Variants in SYT1 observed in about 807,000 individuals in gnomAD.
The protein encoded by SYT1 is synaptotagmin 1.
A neutral mutation model predicts 44.8 loss-of-function variants in SYT1; 8 were observed. The observed-to-expected ratio is 0.18, with a 90% CI of 0.10 to 0.32. The LOEUF is 0.32. Among genes scored for constraint, SYT1 ranks in the 10% least tolerant of loss-of-function variants. SYT1 has a pLI of 1.00. For synonymous variants in SYT1, 154 were observed against 188.8 expected, an observed-to-expected ratio of 0.82 and a Z score of 1.51; for missense variants, 286 against 509.3, an observed-to-expected ratio of 0.56 and a Z score of 4.22.
chr12:79,291,204 T>C (rs1008457092), intron 5 of SYT1, among the ~76,000 whole-genome samples: 1 of 152,214 alleles, frequency 6.6e-6, no homozygotes, highest in African/African-American at 2.4e-5. Flanking sequence ...GAGTATTCAA[T>C]TGGTCAGACT....
chr12:78,958,064 A>C (rs917559179), intron 1 of SYT1, among the ~76,000 whole-genome samples: 13 of 152,118 alleles, frequency 8.5e-5, no homozygotes, highest in Non-Finnish European at 1.2e-4. Flanking sequence ...ATGGAAAAAA[A>C]CCATTTTTGA....
In SYT1 at chr12:79,226,574, G is replaced by T. The variant is rs192557541; in HGVS notation, c.166+8889G>T. 2.0e-5 allele frequency among the ~76,000 whole-genome samples: 3 copies of T among 152,138 alleles called. No individual in the cohort carries two copies. In the East Asian group the frequency reaches 5.8e-4, roughly 29 times the overall value. On this transcript the variant is annotated intron_variant, in intron 4 of 10. Transcript: ENST00000261205. Reference sequence around the variant, plus strand: ...TACCACCCCTAAAAAATATTATGTTGCTAGCACTCTCCTTGATTTAACAGG... The same window carrying T: ...TACCACCCCTAAAAAATATTATGTTTCTAGCACTCTCCTTGATTTAACAGG...
chr12:78,969,708 C>A (rs1157521636), intron 1 of SYT1, among the ~76,000 whole-genome samples: 2 of 151,994 alleles, frequency 1.3e-5, no homozygotes, highest in Non-Finnish European at 2.9e-5. Context: ...CAGCAGGACC[C>A]AGGAAATAAA....
chr12:79,108,360 T>C (rs1878828418), intron 3 of SYT1, among the ~76,000 whole-genome samples: 1 of 152,056 alleles, frequency 6.6e-6, no homozygotes, highest in Non-Finnish European at 1.5e-5. Context: ...TAAACATATG[T>C]ATCACTTATA....
intron 9 of SYT1, among the ~76,000 whole-genome samples, chr12:79,437,652 C>A (rs1024173449): frequency 1.3e-5 from 2 of 152,158 alleles, no homozygotes; most frequent in African/African-American, 4.8e-5. Flanking sequence ...CAGTCTTCCT[C>A]CAAGTTTACT....
chr12:79,421,112 C>A (rs559889965), intron 9 of SYT1, among the ~76,000 whole-genome samples: 98 of 152,228 alleles, frequency 6.4e-4, no homozygotes, highest in Middle Eastern at 3.4e-3. Flanking sequence ...AAAAACACCA[C>A]TCTGCTTTTT....
intron 4 of SYT1, among the ~76,000 whole-genome samples, chr12:79,225,810 A>G (rs1838931931): frequency 6.6e-6 from 1 of 152,136 alleles, no homozygotes; most frequent in Non-Finnish European, 1.5e-5. Context: ...GTCTTTGCCC[A>G]ATGTTAGCAC....
At chr12:79,121,377 T>G (rs1770660428) in intron 3 of SYT1, among the ~76,000 whole-genome samples, 1 of 152,186 alleles carries the variant, frequency 6.6e-6, no homozygotes, top group Non-Finnish European at 1.5e-5. Flanking sequence ...AAGTTTTCTT[T>G]GTCTGTCAGG....
At chr12:79,106,708 T>C (rs999348772) in intron 3 of SYT1, among the ~76,000 whole-genome samples, 1 of 150,874 alleles carries the variant, frequency 6.6e-6, no homozygotes, top group Non-Finnish European at 1.5e-5. Flanking sequence ...TTACTTTCCA[T>C]ATGAAAAAAA....
At chr12:79,099,254 C>G (rs1383633238) in intron 3 of SYT1, among the ~76,000 whole-genome samples, 1 of 152,090 alleles carries the variant, frequency 6.6e-6, no homozygotes, top group Non-Finnish European at 1.5e-5. Flanking sequence ...ACTCCCTCAA[C>G]TAATACATTG....
chr12:78,964,169 T>A (rs1405912552), intron 1 of SYT1: 2 of 152,102 alleles, frequency 1.3e-5, no homozygotes, highest in African/African-American at 4.8e-5. Flanking sequence ...CAAAAATATA[T>A]GTAGGATGAA....
intron 4 of SYT1, among the ~76,000 whole-genome samples, chr12:79,250,940 A>G (rs768360791): frequency 3.9e-5 from 6 of 152,150 alleles, no homozygotes; most frequent in Non-Finnish European, 8.8e-5. Context: ...CAAGGTTTCC[A>G]TTCAACTAGT....
chr12:78,943,185 G>A (rs1878475248), intron 1 of SYT1, among the ~76,000 whole-genome samples: 1 of 152,230 alleles, frequency 6.6e-6, no homozygotes, highest in Admixed American at 6.5e-5. Flanking sequence ...ATCTGTGGTT[G>A]GAATTTCTCA....
chr12:79,229,378 C>T (rs1019198067), intron 4 of SYT1, among the ~76,000 whole-genome samples: 6 of 152,128 alleles, frequency 3.9e-5, no homozygotes, highest in Non-Finnish European at 8.8e-5. Context: ...CCAAGGATTG[C>T]TTTGTTCAAA....
chr12:78,979,937 TTTCA>T (rs1232458742), intron 2 of SYT1, among the ~76,000 whole-genome samples: 2 of 152,128 alleles, frequency 1.3e-5, no homozygotes, highest in African/African-American at 2.4e-5. Context: ...TTTTAAAGAA[TTTCA>T]ACCGATCTTT....
At chr12:78,995,774 T>A (rs1164040820) in intron 2 of SYT1, 1 of 152,188 alleles carries the variant, frequency 6.6e-6, no homozygotes, top group African/African-American at 2.4e-5. Flanking sequence ...TTTCACTCCG[T>A]GCCCAATTCC....
chr12:78,925,998 G>A (rs1207393664), intron 1 of SYT1, among the ~76,000 whole-genome samples: 1 of 152,000 alleles, frequency 6.6e-6, no homozygotes, highest in Admixed American at 6.6e-5. Context: ...GCTGCATGTG[G>A]CATAAGCACA....
intron 1 of SYT1, among the ~76,000 whole-genome samples, chr12:78,878,472 C>T (rs557797354): frequency 6.6e-6 from 1 of 151,860 alleles, no homozygotes; most frequent in Middle Eastern, 3.4e-3. Context: ...TAACGCAGCA[C>T]ATAAAGCCTT....
At chr12:79,227,401 C>T (rs1187626186) in intron 4 of SYT1, among the ~76,000 whole-genome samples, 2 of 152,038 alleles carry the variant, frequency 1.3e-5, no homozygotes, top group Non-Finnish European at 2.9e-5. Context: ...AAAGCATGAA[C>T]TCATGTCATC....
Sources: gnomAD v4.1 joint callset for allele counts (sites outside exome capture counted in the v4.1 genomes callset) on GRCh38, gnomAD v4.1.1 for gene constraint, MANE v1.5 for transcripts, NCBI Gene and HGNC (gene_info 2026-07-23, HGNC 2026-07-21) for gene names.